Variants in VWC2 observed in about 807,000 individuals in gnomAD.
VWC2 encodes brorin.
VWC2 carries 14 observed loss-of-function variants against 29.8 expected under a neutral mutation model. That is an observed-to-expected ratio of 0.47 (90% CI 0.31 to 0.74). The LOEUF (loss-of-function observed/expected upper bound fraction) is 0.74, where lower values mean the gene tolerates loss of function less well. Among genes scored for constraint, VWC2 ranks in the 30% least tolerant of loss-of-function variants. The pLI, the probability that VWC2 is intolerant of heterozygous loss-of-function variation, is 0.05. For synonymous variants in VWC2, 213 were observed against 199.0 expected (o/e 1.07, Z -0.59); for missense variants, 457 against 459.8 (o/e 0.99, Z 0.05).
At chr7:49,786,044 A>G (rs1788287082) in intron 2 of VWC2, among the ~76,000 whole-genome samples, 1 of 152,176 alleles carries the variant, frequency 6.6e-6, no homozygotes, top group South Asian at 2.1e-4. Flanking sequence ...CTGGGTATAT[A>G]GTGTGATGCT....
intron 3 of VWC2, among the ~76,000 whole-genome samples, chr7:49,852,134 C>T (rs980128579): frequency 1.4e-4 from 21 of 152,214 alleles, no homozygotes; most frequent in African/African-American, 4.3e-4. Context: ...TCTGGAGAGT[C>T]GGTCATCAGG....
intron 3 of VWC2, among the ~76,000 whole-genome samples, chr7:49,856,819 C>T (rs182440367): frequency 1.4e-4 from 21 of 151,952 alleles, no homozygotes; most frequent in African/African-American, 5.1e-4. Flanking sequence ...ACCATCCTGG[C>T]TAACACGGTG....
intron 2 of VWC2, among the ~76,000 whole-genome samples, chr7:49,780,568 T>C (rs567907604): frequency 3.3e-5 from 5 of 152,368 alleles, no homozygotes; most frequent in African/African-American, 1.2e-4. Context: ...TTTGTGACTC[T>C]GAAATAGGGC....
chr7:49,847,253 T>C (rs1260958049), intron 3 of VWC2, among the ~76,000 whole-genome samples: 1 of 149,864 alleles, frequency 6.7e-6, no homozygotes, highest in East Asian at 1.9e-4. Context: ...ATAATATAAT[T>C]AGGTTGTAAA....
intron 2 of VWC2, among the ~76,000 whole-genome samples, chr7:49,778,274 G>A (rs1788094264): frequency 6.6e-6 from 1 of 151,940 alleles, no homozygotes; most frequent in South Asian, 2.1e-4. Context: ...TTGACAAAAG[G>A]GAAATTGGAA....
intron 2 of VWC2, among the ~76,000 whole-genome samples, chr7:49,785,403 G>A (rs1788273167): frequency 6.6e-6 from 1 of 152,212 alleles, no homozygotes; most frequent in African/African-American, 2.4e-5. Flanking sequence ...AGACTTTCTA[G>A]TTGAAAGTCT....
intron 3 of VWC2, among the ~76,000 whole-genome samples, chr7:49,837,433 C>T (rs1338623662): frequency 6.6e-6 from 1 of 152,196 alleles, no homozygotes. Flanking sequence ...TGCCCCAGAA[C>T]ATGTGAAGGA....
chr7:49,816,447 C>T (rs1050315527), intron 3 of VWC2, among the ~76,000 whole-genome samples: 1 of 152,096 alleles, frequency 6.6e-6, no homozygotes, highest in African/African-American at 2.4e-5. Flanking sequence ...TCATGGTTGA[C>T]CATACAAGGT....
chr7:49,796,495 A>C (rs370409193), intron 2 of VWC2, among the ~76,000 whole-genome samples: 1 of 152,204 alleles, frequency 6.6e-6, no homozygotes, highest in East Asian at 1.9e-4. Flanking sequence ...GAACATAGGC[A>C]TCTCTTGTTT....
chr7:49,893,430 T>C (rs1289313737), intron 3 of VWC2, among the ~76,000 whole-genome samples: 1 of 152,238 alleles, frequency 6.6e-6, no homozygotes, highest in Non-Finnish European at 1.5e-5. Context: ...ATTTCTTCCA[T>C]AGAGACAAAA....
At chr7:49,861,917 T>C (rs756200327) in intron 3 of VWC2, among the ~76,000 whole-genome samples, 2 of 152,196 alleles carry the variant, frequency 1.3e-5, no homozygotes, top group Non-Finnish European at 2.9e-5. Flanking sequence ...AATTGGGAAT[T>C]GTGTGTATTT....
At chr7:49,868,585 T>A (rs893125770) in intron 3 of VWC2, among the ~76,000 whole-genome samples, 3 of 152,222 alleles carry the variant, frequency 2.0e-5, no homozygotes, top group South Asian at 4.1e-4. Flanking sequence ...AGCATTAATT[T>A]GCAACATTTA....
rs534368286 is a variant in VWC2 at position 49,779,186 on chromosome 7, C to T, written c.696+3055C>T. Among the ~76,000 whole-genome samples, 4 of 152,268 alleles carry T rather than the reference C, an allele frequency of 2.6e-5. No homozygotes were observed. In the East Asian group the frequency reaches 5.8e-4, roughly 22 times the overall value. On this transcript the variant is annotated intron_variant, in intron 2 of 3. Coordinates refer to ENST00000340652, the MANE Select transcript of VWC2 (RefSeq NM_198570.5). Reference sequence around the variant, plus strand: ...AGGGTATTTGGCTCCGGCAGGAGTGCGGTTTCTCCCTGTCTTCATAGGCTT... The same window carrying T: ...AGGGTATTTGGCTCCGGCAGGAGTGTGGTTTCTCCCTGTCTTCATAGGCTT...
At chr7:49,909,243 C>G (rs1017010452) in intron 3 of VWC2, among the ~76,000 whole-genome samples, 3 of 152,198 alleles carry the variant, frequency 2.0e-5, no homozygotes, top group Admixed American at 6.5e-5. Context: ...TGTGGCTTCT[C>G]TGTGCAAAGC....
Position 49,875,369 on chromosome 7 carries a change from CAAAAAAAAA to C in VWC2, c.827-36645_827-36637del, listed in dbSNP as rs71018432. 4.9e-3 allele frequency among the ~76,000 whole-genome samples: 94 copies of C among 19,012 alleles called. 2 individuals carry two copies. Among genetic ancestry groups the C allele is most frequent in the African/African-American group, 0.011 (50 of 4,454 alleles). 12.5% of individuals were successfully genotyped at this position (19,012 alleles called of 152,430 possible). On this transcript the variant is annotated intron_variant, in intron 3 of 3. Transcript: ENST00000340652. Reference sequence around the variant, plus strand: ...TGGGTAACAGAGTGAGATTCTGACTCAAAAAAAAAAAAAAAAAAAAAAAAAAAACAGGAA... The same window carrying C: ...TGGGTAACAGAGTGAGATTCTGACTCAAAAAAAAAAAAAAAAAAACAGGAA...
At chr7:49,829,025 C>T (rs1238255683) in intron 3 of VWC2, among the ~76,000 whole-genome samples, 1 of 152,208 alleles carries the variant, frequency 6.6e-6, no homozygotes, top group Non-Finnish European at 1.5e-5. Context: ...CTCTCTCTCT[C>T]TCTGCCTCAT....
At chr7:49,897,292 A>G (rs1237729011) in intron 3 of VWC2, among the ~76,000 whole-genome samples, 1 of 152,122 alleles carries the variant, frequency 6.6e-6, no homozygotes, top group African/African-American at 2.4e-5. Context: ...TAATTTCCCA[A>G]CTCATTCCAT....
Position 49,913,077 on chromosome 7 carries a change from T to C in VWC2, c.*892T>C, listed in dbSNP as rs1793540810. ...AAACTCCTAAACAAGTTTATATACC[T>C]GAAATCTAAATGTGCTACAGATAAC... is the stretch of plus-strand genomic sequence containing the variant. On this transcript the variant is annotated 3_prime_UTR_variant, in exon 4 of 4. Coordinates refer to ENST00000340652, the MANE Select transcript of VWC2 (RefSeq NM_198570.5). 1 of 152,144 alleles carries C rather than the reference T, an allele frequency of 6.6e-6. No individual in the cohort carries two copies. The highest frequency in any genetic ancestry group is 2.1e-4 in the South Asian group (1 of 4,826). 9.4% of individuals were successfully genotyped at this position (152,144 alleles called of 1,614,324 possible).
intron 2 of VWC2, among the ~76,000 whole-genome samples, chr7:49,782,114 C>T (rs1038404476): frequency 6.6e-6 from 1 of 152,158 alleles, no homozygotes; most frequent in Non-Finnish European, 1.5e-5. Flanking sequence ...ATATAAATTC[C>T]CAGATTGCCT....
Sources: allele counts gnomAD v4.1 joint callset (sites outside exome capture counted in the v4.1 genomes callset), GRCh38; gene constraint gnomAD v4.1.1; transcripts MANE v1.5; gene names NCBI Gene and HGNC (gene_info 2026-07-23, HGNC 2026-07-21).